Variants in RIPK1 observed in about 807,000 individuals in gnomAD.
RIPK1 encodes receptor-interacting serine/threonine-protein kinase 1.
Under a neutral mutation model 62.4 loss-of-function variants are expected in RIPK1, and 27 were observed. The observed-to-expected ratio is 0.43, with a 90% confidence interval of 0.32 to 0.60. The LOEUF is 0.60. RIPK1 is among the 20% of genes least tolerant of loss of function. RIPK1 has a pLI of 0.07. For missense variants in RIPK1, 735 were observed against 831.0 expected, an observed-to-expected ratio of 0.88 and a Z score of 1.42; for synonymous variants, 287 against 303.2, an observed-to-expected ratio of 0.95 and a Z score of 0.55.
intron 10 of RIPK1, among the ~76,000 whole-genome samples, chr6:3,111,358 C>T (rs971368806): frequency 2.6e-5 from 4 of 152,186 alleles, no homozygotes; most frequent in Non-Finnish European, 5.9e-5. Flanking sequence ...GTGCCCTCCA[C>T]AGCACTTCTG....
chr6:3,082,818 C>T (rs1201729726), intron 4 of RIPK1, among the ~76,000 whole-genome samples: 3 of 152,150 alleles, frequency 2.0e-5, no homozygotes, highest in Non-Finnish European at 4.4e-5. Flanking sequence ...AAACATCTTC[C>T]GCTTTTCCCC....
chr6:3,067,224 G>A (rs1758420898), upstream of RIPK1, among the ~76,000 whole-genome samples: 1 of 151,904 alleles, frequency 6.6e-6, no homozygotes, highest in South Asian at 2.1e-4. Flanking sequence ...TTGTACAGGT[G>A]TTTGTATGGG....
intron 5 of RIPK1, among the ~76,000 whole-genome samples, chr6:3,084,115 C>A (rs17513318): frequency 0.018 from 2,761 of 152,256 alleles, 35 homozygotes; most frequent in South Asian, 0.027. Flanking sequence ...ATATCTGCAA[C>A]CCATCTGCCT....
intron 1 of RIPK1, 36 bp downstream of exon 1, chr6:3,068,697 A>G: frequency 7.1e-6 from 7 of 983,220 alleles, no homozygotes; most frequent in Non-Finnish European, 8.5e-6. Flanking sequence ...AACATTCCGG[A>G]GGCCGCCGGG....
At chr6:3,079,797 C>G (rs1759281555) in intron 3 of RIPK1, among the ~76,000 whole-genome samples, 1 of 152,216 alleles carries the variant, frequency 6.6e-6, no homozygotes, top group East Asian at 1.9e-4. Context: ...TAGAGAAGAT[C>G]AGCTGTTTGA....
chr6:3,102,843 G>T (rs1335097416), intron 7 of RIPK1, among the ~76,000 whole-genome samples: 2 of 152,096 alleles, frequency 1.3e-5, no homozygotes, highest in African/African-American at 4.8e-5. Context: ...AACCTCAGGT[G>T]ATCTGAGGTC....
At chr6:3,064,414 T>G (rs1758287958), upstream of RIPK1, among the ~76,000 whole-genome samples, 1 of 152,180 alleles carries the variant, frequency 6.6e-6, no homozygotes, top group Non-Finnish European at 1.5e-5. Flanking sequence ...CTGTCCTGGT[T>G]CTTCTTCTGT....
chr6:3,108,721 T>G (rs1470570019), intron 9 of RIPK1, among the ~76,000 whole-genome samples: 1 of 152,136 alleles, frequency 6.6e-6, no homozygotes, highest in Admixed American at 6.5e-5. Context: ...CCTCAGAGAC[T>G]GTCACAGGGG....
chr6:3,078,532 G>C (rs984070064), intron 3 of RIPK1, among the ~76,000 whole-genome samples: 4 of 152,178 alleles, frequency 2.6e-5, no homozygotes, highest in Non-Finnish European at 5.9e-5. Flanking sequence ...TCAGAGACAA[G>C]CCCTGTCTTC....
chr6:3,097,336 G>C (rs1000557451), intron 7 of RIPK1, among the ~76,000 whole-genome samples: 1 of 152,184 alleles, frequency 6.6e-6, no homozygotes, highest in Non-Finnish European at 1.5e-5. Flanking sequence ...TGCCTTATCA[G>C]ATTCTTGTCA....
chr6:3,090,784 AACCGCAGAGCGCCTACCTGCCGCACCTAG>A (rs1760022772), intron 7 of RIPK1, among the ~76,000 whole-genome samples: 1 of 148,066 alleles, frequency 6.8e-6, no homozygotes, highest in African/African-American at 2.6e-5. Flanking sequence ...CGCACCTAGT[AACCGCAGAGCGCCTACCTGCCGCACCTAG>A]TAACCGCAGC....
intron 7 of RIPK1, among the ~76,000 whole-genome samples, chr6:3,100,679 C>T (rs1760547760): frequency 6.6e-6 from 1 of 151,794 alleles, no homozygotes; most frequent in Non-Finnish European, 1.5e-5. Context: ...CAACCTCCAC[C>T]TCCCGGGTTC....
intron 6 of RIPK1, among the ~76,000 whole-genome samples, chr6:3,086,001 A>C (rs997807898): frequency 3.3e-5 from 5 of 152,206 alleles, no homozygotes; most frequent in African/African-American, 7.2e-5. Flanking sequence ...GTCTATGGGC[A>C]CTTAGGTGGC....
At chr6:3,101,377 C>A (rs1234399245) in intron 7 of RIPK1, among the ~76,000 whole-genome samples, 1 of 152,198 alleles carries the variant, frequency 6.6e-6, no homozygotes, top group Non-Finnish European at 1.5e-5. Context: ...ATTGCTTGAG[C>A]CCAGGAGTTG....
At chr6:3,075,957 G>A (rs191250243) in intron 1 of RIPK1, among the ~76,000 whole-genome samples, 4 of 151,946 alleles carry the variant, frequency 2.6e-5, no homozygotes, top group South Asian at 2.1e-4. Flanking sequence ...GAGCAGTGCC[G>A]TGTTAAGGGG....
chr6:3,069,642 A>G lies in RIPK1; in HGVS notation c.-61+981A>G, dbSNP rs115575434. ...CAGGAAGTGAACTTTGAAATGTGCAATGTCTTAGTACTCATCTGCATTCTG... is the reference window on the plus strand; with the variant it reads ...CAGGAAGTGAACTTTGAAATGTGCAGTGTCTTAGTACTCATCTGCATTCTG... On this transcript the variant is annotated intron_variant, in intron 1 of 10. Transcript: ENST00000259808. 2.0e-3 allele frequency among the ~76,000 whole-genome samples: 302 copies of G among 152,338 alleles called. 1 individual carries two copies. The highest frequency in any genetic ancestry group is 6.8e-3 in the African/African-American group (282 of 41,578).
At position 3,113,900 on chromosome 6, in the gene RIPK1, C is replaced by T. The variant is rs1371613630; in HGVS notation, c.*561C>T. 3 of 152,536 alleles carry T rather than the reference C, an allele frequency of 2.0e-5. No homozygotes were observed. The highest frequency in any genetic ancestry group is 6.5e-5 in the Admixed American group (1 of 15,344). The allele number at this position is 152,536 out of a possible 1,614,324, so 9.4% of individuals were successfully genotyped here. A position where few individuals can be genotyped will look rare whatever the true frequency, so the allele number is the denominator to read the frequency against. The stretch of plus-strand genomic sequence containing the variant: ...GATTCTAAGCCCTGTTCAGAGACTT[C>T]GTGGATCACAGCTGCAGCTCACCGC... On this transcript the variant is annotated 3_prime_UTR_variant, in exon 11 of 11. Coordinates refer to ENST00000259808, the MANE Select transcript of RIPK1 (RefSeq NM_001354930.2). The surrounding 1 kb of genome is among the most constrained non-coding windows in gnomAD (Gnocchi z 5.0).
chr6:3,112,869 C>G (rs1259538791), intron 10 of RIPK1, among the ~76,000 whole-genome samples, 184 bp from the exon 11 acceptor site: 1 of 152,200 alleles, frequency 6.6e-6, no homozygotes, highest in Non-Finnish European at 1.5e-5. Flanking sequence ...CACATAAAGA[C>G]TCCATGTGGG....
Position 3,072,324 on chromosome 6 carries a change from C to T in RIPK1, c.-61+3663C>T. ...TAAAAATCAACCTATCATCAAGATACAATCCTTGTTAACATTTTGGTGTCT... is the reference window on the plus strand; with the variant it reads ...TAAAAATCAACCTATCATCAAGATATAATCCTTGTTAACATTTTGGTGTCT... On this transcript the variant is annotated intron_variant, in intron 1 of 10. Transcript: ENST00000259808. The surrounding 1 kb of genome is among the most constrained non-coding windows in gnomAD (Gnocchi z 5.6). Among the ~76,000 whole-genome samples the T allele has an allele frequency of 6.6e-6, 1 of 152,080 alleles. No individual in the cohort carries two copies. Among genetic ancestry groups the T allele is most frequent in the Admixed American group, 6.6e-5 (1 of 15,258 alleles).
Sources: allele counts gnomAD v4.1 joint callset (sites outside exome capture counted in the v4.1 genomes callset), GRCh38; gene constraint gnomAD v4.1.1; non-coding constraint Gnocchi (gnomAD v3.1); transcripts MANE v1.5; gene names NCBI Gene and HGNC (gene_info 2026-07-23, HGNC 2026-07-21).